NCKAP5: variants seen among roughly 807,000 people sequenced by gnomAD.
The protein encoded by NCKAP5 is nck-associated protein 5.
NCKAP5 carries 92 observed loss-of-function variants against 167.0 expected under a neutral mutation model. The ratio of observed to expected loss-of-function variants is 0.55; its 90% CI spans 0.47 to 0.66. The LOEUF (loss-of-function observed/expected upper bound fraction) is 0.66, where lower values mean the gene tolerates loss of function less well. Among genes scored for constraint, NCKAP5 ranks in the 30% least tolerant of loss-of-function variants. The probability of loss-of-function intolerance (pLI) is 0.00; values close to 1 mark genes in which losing one functional copy is unlikely to be tolerated. For missense variants in NCKAP5, 2,378 were observed against 2,315.0 expected (o/e 1.03, Z -0.56); for synonymous variants, 891 against 877.4 (o/e 1.02, Z -0.27).
chr2:133,062,416 A>T (rs1270096139), intron 6 of NCKAP5, among the ~76,000 whole-genome samples: 1 of 152,268 alleles, frequency 6.6e-6, no homozygotes, highest in African/African-American at 2.4e-5. Flanking sequence ...GATATTAAAC[A>T]GCATTTTCAA....
intron 6 of NCKAP5, among the ~76,000 whole-genome samples, chr2:133,100,018 G>A (rs1481148662): frequency 1.3e-5 from 2 of 152,176 alleles, no homozygotes; most frequent in African/African-American, 4.8e-5. Context: ...TATTGAATAT[G>A]CGTTCTCAGT....
At chr2:133,272,675 C>A (rs1559340450) in intron 4 of NCKAP5, among the ~76,000 whole-genome samples, 1 of 152,262 alleles carries the variant, frequency 6.6e-6, no homozygotes, top group Admixed American at 6.5e-5. Context: ...CCCCTTAGAA[C>A]AATTTATTTA....
chr2:132,901,510 G>T (rs757330537), intron 8 of NCKAP5, among the ~76,000 whole-genome samples: 1 of 152,130 alleles, frequency 6.6e-6, no homozygotes, highest in African/African-American at 2.4e-5. Context: ...CCCACATTTG[G>T]ATGCTAATTA....
chr2:133,402,078 A>T (rs1688137650), intron 3 of NCKAP5, among the ~76,000 whole-genome samples: 1 of 151,236 alleles, frequency 6.6e-6, no homozygotes, highest in Admixed American at 6.7e-5. Context: ...GTGTCTTCCT[A>T]AATTAATAAT....
chr2:132,839,727 C>T (rs570019928), intron 11 of NCKAP5, among the ~76,000 whole-genome samples: 2 of 134,270 alleles, frequency 1.5e-5, no homozygotes, highest in African/African-American at 5.9e-5. Context: ...CACTGCTCTC[C>T]AGCCTGCGTG....
intron 16 of NCKAP5, among the ~76,000 whole-genome samples, chr2:132,742,820 G>A (rs998653646): frequency 6.6e-6 from 1 of 151,752 alleles, no homozygotes; most frequent in African/African-American, 2.4e-5. Flanking sequence ...GAATATCAAG[G>A]ATCATTTATT....
intron 3 of NCKAP5, chr2:133,431,582 G>A (rs1167062775): frequency 2.6e-5 from 4 of 152,180 alleles, no homozygotes; most frequent in Non-Finnish European, 5.9e-5. Flanking sequence ...GCATGAATAT[G>A]TAGCTTTACG....
intron 3 of NCKAP5, among the ~76,000 whole-genome samples, chr2:133,465,648 T>C (rs374920947): frequency 3.2e-4 from 49 of 151,768 alleles, no homozygotes; most frequent in African/African-American, 8.7e-4. Flanking sequence ...GTTCCTATTT[T>C]TCCACATCCT....
At chr2:132,722,611 C>T (rs1369501993) in intron 19 of NCKAP5, among the ~76,000 whole-genome samples, 1 of 152,058 alleles carries the variant, frequency 6.6e-6, no homozygotes, top group Non-Finnish European at 1.5e-5. Context: ...TTTACATGAG[C>T]CCCAGACTCT....
chr2:132,772,794 C>G (rs1450612509), intron 16 of NCKAP5, among the ~76,000 whole-genome samples: 30 of 152,166 alleles, frequency 2.0e-4, no homozygotes, highest in Admixed American at 1.9e-3. Flanking sequence ...GGGGGTAAAA[C>G]AACTCTCTCA....
rs528904026 is a variant in NCKAP5, at chr2:132,737,342, T to A, written c.5129-5291A>T. On this transcript the variant is annotated intron_variant, in intron 16 of 19. Transcript: ENST00000409261. ...GTATGCAAGGAGGAGACCTTTTCAGTCTCCTAGAAGCAAATACAGGACTTT... is the reference window on the plus strand; with the variant it reads ...GTATGCAAGGAGGAGACCTTTTCAGACTCCTAGAAGCAAATACAGGACTTT... Among the ~76,000 whole-genome samples the A allele has an allele frequency of 5.5e-4, 83 of 152,078 alleles. 1 individual carries two copies. Among genetic ancestry groups the A allele is most frequent in the Non-Finnish European group, 9.6e-4 (65 of 68,018 alleles).
At chr2:133,233,336 A>C (rs2087242407) in intron 4 of NCKAP5, among the ~76,000 whole-genome samples, 1 of 152,122 alleles carries the variant, frequency 6.6e-6, no homozygotes, top group Admixed American at 6.6e-5. Context: ...CCTTACCAAT[A>C]CCCATTTTAT....
the NCKAP5 span, among the ~76,000 whole-genome samples, chr2:133,661,927 C>T: frequency 1.3e-5 from 2 of 152,166 alleles, no homozygotes; most frequent in African/African-American, 4.8e-5. Context: ...GACATGGAGC[C>T]GGTAAACTAA....
chr2:133,547,037 G>A (rs886970335), intron 2 of NCKAP5, among the ~76,000 whole-genome samples: 6 of 152,220 alleles, frequency 3.9e-5, no homozygotes, highest in African/African-American at 1.2e-4. Flanking sequence ...TGCGCGAGCT[G>A]AAGCAGGGCG....
At chr2:132,747,884 G>C (rs978255711) in intron 16 of NCKAP5, among the ~76,000 whole-genome samples, 1 of 152,138 alleles carries the variant, frequency 6.6e-6, no homozygotes. Flanking sequence ...GATTTGGATT[G>C]GGGCCTGTGC....
intron 11 of NCKAP5, among the ~76,000 whole-genome samples, chr2:132,834,801 T>C (rs1402106384): frequency 6.6e-6 from 1 of 152,192 alleles, no homozygotes; most frequent in Non-Finnish European, 1.5e-5. Flanking sequence ...TGAATGTCTT[T>C]TGTTTCTTTC....
chr2:132,697,583 T>C (rs540533494), intron 19 of NCKAP5, among the ~76,000 whole-genome samples: 7 of 146,560 alleles, frequency 4.8e-5, no homozygotes, highest in African/African-American at 1.6e-4. Context: ...TAGAGGCTAC[T>C]GTGGATGAAC....
At chr2:133,339,532 G>C (rs1232979858) in intron 3 of NCKAP5, among the ~76,000 whole-genome samples, 2 of 152,182 alleles carry the variant, frequency 1.3e-5, no homozygotes, top group African/African-American at 4.8e-5. Flanking sequence ...AAGCTGCCAG[G>C]AACAGAGATG....
intron 4 of NCKAP5, among the ~76,000 whole-genome samples, chr2:133,233,990 A>G (rs1365280370): frequency 6.6e-6 from 1 of 152,222 alleles, no homozygotes; most frequent in Non-Finnish European, 1.5e-5. Context: ...ACCCATCAGG[A>G]CTATCGAAAG....
Sources: gnomAD v4.1 joint callset for allele counts (sites outside exome capture counted in the v4.1 genomes callset) on GRCh38, gnomAD v4.1.1 for gene constraint, MANE v1.5 for transcripts, NCBI Gene and HGNC (gene_info 2026-07-23, HGNC 2026-07-21) for gene names.